The following DEAF1 variants were observed in gnomAD, a reference collection of about 807,000 sequenced individuals.
DEAF1 encodes deformed epidermal autoregulatory factor 1 homolog.
In DEAF1, 53 loss-of-function variants were observed where a neutral mutation model predicts 58.9. The ratio of observed to expected loss-of-function variants is 0.90; its 90% CI spans 0.72 to 1.13. The LOEUF (loss-of-function observed/expected upper bound fraction) is 1.13. Ranked by LOEUF, DEAF1 falls within the 50% of genes most tolerant of loss-of-function variation. The pLI is 0.00. For missense variants in DEAF1, 685 were observed against 791.4 expected (o/e 0.87, Z 1.61); for synonymous variants, 385 against 340.4 (o/e 1.13, Z -1.44).
Position 679,770 on chromosome 11 carries a change from G to A in DEAF1, c.1044C>T (p.Thr348=), listed in dbSNP as rs758676545. 4.3e-6 allele frequency: 7 copies of A among 1,613,918 alleles called. No homozygotes were observed. The highest frequency in any genetic ancestry group is 5.9e-6 in the Non-Finnish European group (7 of 1,180,050). ...CCTCTACCGTGGACGCTCGGTCAAA[G>A]GTCAGTGCCCCCGAGGTCGTGATCT... ...SGQITTSGAL[T]FDRASTVEAT... Residue 348 remains threonine (T), a synonymous_variant, in exon 8 of 12, where the codon ACC becomes ACT. Coordinates refer to ENST00000382409, the MANE Select transcript of DEAF1 (RefSeq NM_021008.4).
upstream of DEAF1, chr11:699,275 T>A (rs1861338297): frequency 3.8e-6 from 1 of 262,194 alleles, no homozygotes; most frequent in African/African-American, 2.2e-5. Context: ...CAGGCTGGAG[T>A]GTGGCAATCA....
rs142184965 is a variant in DEAF1, at chr11:672,906, T to G, written c.1503+1630A>C. ...ATAAATACGTATAATCCCAGCACTT[T>G]AAGACGCTCAGGCGGGTAGATCACT... is the stretch of plus-strand genomic sequence containing the variant. On this transcript the variant is annotated intron_variant, in intron 10 of 11. Coordinates refer to ENST00000382409, the MANE Select transcript of DEAF1 (RefSeq NM_021008.4). Among the ~76,000 whole-genome samples the G allele has an allele frequency of 1.5e-3, 224 of 152,248 alleles. 2 individuals carry two copies. The highest frequency in any genetic ancestry group is 5.1e-3 in the African/African-American group (211 of 41,536).
intron 6 of DEAF1, among the ~76,000 whole-genome samples, chr11:684,311 G>A (rs962056350): frequency 6.6e-6 from 1 of 152,140 alleles, no homozygotes; most frequent in South Asian, 2.1e-4. Flanking sequence ...CCAGCTACGC[G>A]GGAAGCTGAG....
At chr11:648,149 G>A (rs189958866) in intron 11 of DEAF1, among the ~76,000 whole-genome samples, 34 of 151,794 alleles carry the variant, frequency 2.2e-4, no homozygotes, top group African/African-American at 7.7e-4. Flanking sequence ...GTATACTTTT[G>A]TGTACATACC....
upstream of DEAF1, chr11:699,994 C>CAGAT (rs541008628): frequency 2.7e-4 from 167 of 624,408 alleles, no homozygotes; most frequent in East Asian, 4.0e-3. Flanking sequence ...ACAGAAGCCT[C>CAGAT]AGATAGGCAG....
intron 1 of DEAF1, chr11:694,392 G>T: frequency 4.9e-6 from 1 of 203,664 alleles, no homozygotes; most frequent in South Asian, 8.7e-5. Flanking sequence ...ATCACGTGGG[G>T]CAGGTGGGGA....
chr11:679,124 A>G (rs962452414), intron 8 of DEAF1, among the ~76,000 whole-genome samples: 3 of 152,138 alleles, frequency 2.0e-5, no homozygotes, highest in African/African-American at 7.2e-5. Context: ...CATCCTGGCT[A>G]ACATGGTGAA....
chr11:696,170 G>A (rs1402995576), upstream of DEAF1, among the ~76,000 whole-genome samples: 10 of 152,338 alleles, frequency 6.6e-5, no homozygotes, highest in African/African-American at 2.2e-4. Flanking sequence ...GATGGGCGCA[G>A]GGTTTCGGTA....
chr11:700,049 C>T, upstream of DEAF1: 1 of 1,021,692 alleles, frequency 9.8e-7, no homozygotes, highest in Non-Finnish European at 1.5e-6. Context: ...TCTGTGGCCA[C>T]CAAACAGATG....
chr11:692,742 C>T lies in DEAF1; in HGVS notation c.290-1144G>A, dbSNP rs982146188. Among the ~76,000 whole-genome samples the T allele has an allele frequency of 3.3e-5, 5 of 152,212 alleles. No individual in the cohort carries two copies. The East Asian group carries it at 7.7e-4, about 23-fold the overall frequency. On this transcript the variant is annotated intron_variant, in intron 1 of 11. Transcript: ENST00000382409. Reference sequence around the variant, plus strand: ...TGGCACATGCCTGTAATCCCAGCTACTCGGGAGGCTGAGGCAGGAGAATCA... The same window carrying T: ...TGGCACATGCCTGTAATCCCAGCTATTCGGGAGGCTGAGGCAGGAGAATCA...
intron 10 of DEAF1, among the ~76,000 whole-genome samples, chr11:671,268 T>C (rs957867490): frequency 2.0e-4 from 30 of 151,866 alleles, no homozygotes; most frequent in African/African-American, 6.3e-4. Flanking sequence ...GTCGCCAGAC[T>C]GGAGTGCAGT....
At chr11:690,460 T>TC (rs1309621364) in intron 2 of DEAF1, among the ~76,000 whole-genome samples, 1 of 150,612 alleles carries the variant, frequency 6.6e-6, no homozygotes, top group East Asian at 2.0e-4. Flanking sequence ...AACTGTGCTT[T>TC]CAGGCCGGGT....
rs1860136279 is a variant in DEAF1, at chr11:677,590, G to A, written c.1255+1104C>T. Among the ~76,000 whole-genome samples the A allele has an allele frequency of 1.9e-5, 2 of 107,112 alleles. 1 individual carries two copies. The highest frequency in any genetic ancestry group is 4.4e-5 in the Non-Finnish European group (2 of 45,906). 70.3% of individuals were successfully genotyped at this position (107,112 alleles called of 152,430 possible). ...GCGCTGTCTGTGACAGTGAAAAATGGAAAACATGCATTTGCCACCAGCAGG... is the reference window on the plus strand; with the variant it reads ...GCGCTGTCTGTGACAGTGAAAAATGAAAAACATGCATTTGCCACCAGCAGG... On this transcript the variant is annotated intron_variant, in intron 9 of 11. Coordinates refer to ENST00000382409, the MANE Select transcript of DEAF1 (RefSeq NM_021008.4).
At chr11:687,655 GCT>G (rs1564950177) in intron 4 of DEAF1, among the ~76,000 whole-genome samples, 10 of 152,074 alleles carry the variant, frequency 6.6e-5, no homozygotes, top group African/African-American at 1.7e-4. Context: ...CTGCCACCAC[GCT>G]CCACTAATTT....
chr11:645,222 TTG>T (rs1307749407), intron 11 of DEAF1, among the ~76,000 whole-genome samples: 2 of 151,868 alleles, frequency 1.3e-5, no homozygotes, highest in Admixed American at 1.3e-4. Flanking sequence ...ACCAGTTGTT[TTG>T]TGTTAGGGAT....
chr11:703,484 C>T lies in DEAF1; in HGVS notation c.-438+3088G>A, dbSNP rs1861593464. ...CACAGACCCCCATGGGCCCCCAGGG[C>T]CGAGAGGGAGGACAGAGCCCTTCAG... On this transcript the variant is annotated intron_variant, in intron 1 of 11. Transcript: ENST00000683307. 3.2e-6 allele frequency: 4 copies of T among 1,257,376 alleles called. 1 individual carries two copies. The South Asian group carries it at 1.4e-4, about 43-fold the overall frequency. The allele number at this position is 1,257,376 out of a possible 1,614,324, so 77.9% of individuals were successfully genotyped here. A position where few individuals can be genotyped will look rare whatever the true frequency, so the allele number is the denominator to read the frequency against.
chr11:686,720 G>T, intron 5 of DEAF1, 138 bp downstream of exon 5: 1 of 1,163,210 alleles, frequency 8.6e-7, no homozygotes, highest in Non-Finnish European at 1.2e-6. Flanking sequence ...ACTCGCCCAA[G>T]GCCACACAGA....
intron 10 of DEAF1, among the ~76,000 whole-genome samples, chr11:669,927 CAAAAAAAAAAA>C (rs59541099): frequency 2.3e-5 from 2 of 86,906 alleles, no homozygotes; most frequent in Non-Finnish European, 4.3e-5. Flanking sequence ...GAGACTGTCT[CAAAAAAAAAAA>C]AAAAAAAAAA....
chr11:688,271 A>G lies in DEAF1; in HGVS notation c.517+60T>C. 6.3e-7 allele frequency: 1 copy of G among 1,587,926 alleles called. No individual in the cohort carries two copies. The highest frequency in any genetic ancestry group is 1.1e-5 in the South Asian group (1 of 88,370). ...AAACAAGTAAATAAATCCCTGAAAT[A>G]AATTCTAGCTATTCTGAAACGTGTT... is the stretch of plus-strand genomic sequence containing the variant. On this transcript the variant is annotated intron_variant, in intron 3 of 11. Transcript: ENST00000382409. The surrounding 1 kb of genome is among the most constrained non-coding windows in gnomAD (Gnocchi z 4.3).
Sources: allele counts gnomAD v4.1 joint callset (sites outside exome capture counted in the v4.1 genomes callset), GRCh38; gene constraint gnomAD v4.1.1; non-coding constraint Gnocchi (gnomAD v3.1); transcripts MANE v1.5; gene names NCBI Gene and HGNC (gene_info 2026-07-23, HGNC 2026-07-21).